Variants in PCDHGA3 observed in about 807,000 individuals in gnomAD.
PCDHGA3 encodes the protein protocadherin gamma-A3.
In PCDHGA3, 40 loss-of-function variants were observed where a neutral mutation model predicts 58.5. The ratio of observed to expected loss-of-function variants is 0.68; its 90% CI spans 0.53 to 0.89. The LOEUF is 0.89. PCDHGA3 is among the 40% of genes least tolerant of loss of function. The pLI is 0.00. For missense variants in PCDHGA3, 1,223 were observed against 1,195.9 expected (o/e 1.02, Z -0.33); for synonymous variants, 530 against 525.7 (o/e 1.01, Z -0.11).
intron 1 of PCDHGA3, chr5:141,404,696 G>A (rs757662807): frequency 6.2e-7 from 1 of 1,614,104 alleles, no homozygotes; most frequent in Non-Finnish European, 8.5e-7. Context: ...ACCCCGCTCT[G>A]CAGAGCCTGG....
intron 1 of PCDHGA3, chr5:141,388,306 A>G (rs1315280677): frequency 6.2e-7 from 1 of 1,613,826 alleles, no homozygotes; most frequent in South Asian, 1.1e-5. Flanking sequence ...TTTGAGCTGC[A>G]AATAAGTGAG....
intron 1 of PCDHGA3, chr5:141,390,387 T>C: frequency 1.4e-6 from 2 of 1,425,596 alleles, no homozygotes; most frequent in Non-Finnish European, 1.9e-6. Flanking sequence ...TTAGATGTCA[T>C]GGATCATTTT....
At chr5:141,402,801 G>C (rs1218765657) in intron 1 of PCDHGA3, 6 of 1,078,624 alleles carry the variant, frequency 5.6e-6, no homozygotes, top group Middle Eastern at 3.2e-4. Flanking sequence ...CACAAAACCC[G>C]GCAGATACCA....
At chr5:141,481,560 G>A (rs1594155886) in intron 1 of PCDHGA3, among the ~76,000 whole-genome samples, 1 of 152,212 alleles carries the variant, frequency 6.6e-6, no homozygotes, top group Non-Finnish European at 1.5e-5. Flanking sequence ...GCTCACGCCT[G>A]TAATCCCAGT....
chr5:141,485,441 A>T lies in PCDHGA3; in HGVS notation c.2425-9366A>T. On this transcript the variant is annotated intron_variant, in intron 1 of 3. Coordinates refer to ENST00000253812, the MANE Select transcript of PCDHGA3 (RefSeq NM_018916.4). The surrounding 1 kb of genome is among the most constrained non-coding windows in gnomAD (Gnocchi z 5.7). ...CGGAGCCCTGCTCATCAAGAACCCA[A>T]TCGACCGAGAGGCACTGTGTGGGCT... is the stretch of plus-strand genomic sequence containing the variant. The T allele has an allele frequency of 6.2e-7, 1 of 1,613,910 alleles. No homozygotes were observed. The highest frequency in any genetic ancestry group is 1.1e-5 in the South Asian group (1 of 91,062).
chr5:141,478,497 CGGTGTTCTATAGGCA>C, intron 1 of PCDHGA3: 1 of 1,612,820 alleles, frequency 6.2e-7, no homozygotes, highest in South Asian at 1.1e-5. Flanking sequence ...AGCTGTGATC[CGGTGTTCTATAGGCA>C]GGTGTTGGGT....
chr5:141,496,306 C>T (rs1380057886), intron 2 of PCDHGA3, among the ~76,000 whole-genome samples: 1 of 152,202 alleles, frequency 6.6e-6, no homozygotes, highest in South Asian at 2.1e-4. Flanking sequence ...ATAGGCTCTG[C>T]GCCAGGCCTC....
intron 1 of PCDHGA3, chr5:141,384,250 A>C: frequency 6.2e-7 from 1 of 1,613,796 alleles, no homozygotes; most frequent in East Asian, 2.2e-5. Context: ...TAACCCACCC[A>C]CCTTCCCCCA....
chr5:141,364,478 A>G (rs1225637792), intron 1 of PCDHGA3: 1 of 1,613,934 alleles, frequency 6.2e-7, no homozygotes, highest in Non-Finnish European at 8.5e-7. Context: ...CAACATAGCC[A>G]AGGACCTTGG....
At chr5:141,423,669 T>C in intron 1 of PCDHGA3, 1 of 1,554,480 alleles carries the variant, frequency 6.4e-7, no homozygotes, top group Non-Finnish European at 8.7e-7. Flanking sequence ...AGGTGAGATT[T>C]ATTTCTCTGC....
intron 2 of PCDHGA3, among the ~76,000 whole-genome samples, chr5:141,505,180 A>G (rs1435197883): frequency 6.6e-6 from 1 of 152,200 alleles, no homozygotes; most frequent in Non-Finnish European, 1.5e-5. Context: ...AGAAAAAAGC[A>G]TCGGAGGCAG....
At chr5:141,361,145 T>C (rs1561522741) in intron 1 of PCDHGA3, 2 of 1,613,964 alleles carry the variant, frequency 1.2e-6, no homozygotes, top group South Asian at 2.2e-5. Flanking sequence ...CAAGTTGAAA[T>C]TCTTGATGAC....
intron 1 of PCDHGA3, chr5:141,421,067 T>G: frequency 1.4e-5 from 8 of 591,772 alleles, no homozygotes; most frequent in Non-Finnish European, 2.3e-5. Flanking sequence ...CAAAGCGGAA[T>G]GAGATGGATA....
intron 1 of PCDHGA3, chr5:141,427,590 C>G (rs768990626): frequency 5.9e-6 from 4 of 678,892 alleles, no homozygotes; most frequent in Non-Finnish European, 1.1e-5. Flanking sequence ...CAGCACAAGC[C>G]TCACCCTACG....
intron 1 of PCDHGA3, among the ~76,000 whole-genome samples, chr5:141,464,300 A>G (rs1349155102): frequency 2.0e-5 from 3 of 149,898 alleles, no homozygotes; most frequent in East Asian, 1.9e-4. Context: ...ACTCCATTGT[A>G]TGTGCACATA....
At chr5:141,371,799 G>T (rs1768052133) in intron 1 of PCDHGA3, 5 of 1,613,926 alleles carry the variant, frequency 3.1e-6, no homozygotes, top group Middle Eastern at 1.6e-4. Flanking sequence ...TCCGCCTGGA[G>T]CCTCCATTGC....
chr5:141,447,235 G>T (rs1458489257), intron 1 of PCDHGA3, among the ~76,000 whole-genome samples: 1 of 152,084 alleles, frequency 6.6e-6, no homozygotes, highest in Non-Finnish European at 1.5e-5. Flanking sequence ...CGCCTCCCGG[G>T]TTCAAGTGAT....
At chr5:141,383,499 G>A (rs1779188122) in intron 1 of PCDHGA3, 1 of 1,612,970 alleles carries the variant, frequency 6.2e-7, no homozygotes. Flanking sequence ...AGCGGGTGCT[G>A]GACCGGGAGG....
At chr5:141,374,976 C>T (rs774690686) in intron 1 of PCDHGA3, 1 of 1,614,016 alleles carries the variant, frequency 6.2e-7, no homozygotes, top group South Asian at 1.1e-5. Context: ...AATGTTTTGA[C>T]TGGAGAAATT....
Sources: allele counts gnomAD v4.1 joint callset (sites outside exome capture counted in the v4.1 genomes callset), GRCh38; gene constraint gnomAD v4.1.1; non-coding constraint Gnocchi (gnomAD v3.1); transcripts MANE v1.5; gene names NCBI Gene and HGNC (gene_info 2026-07-23, HGNC 2026-07-21).